The following DLG3 variants were observed in gnomAD, a reference collection of about 807,000 sequenced individuals.
DLG3 encodes the protein disks large homolog 3.
DLG3 carries 1 observed loss-of-function variant against 64.1 expected under a neutral mutation model. The observed-to-expected ratio is 0.02, with a 90% CI of 0.01 to 0.07. The LOEUF is 0.07. Among genes scored for constraint, DLG3 ranks in the 10% least tolerant of loss-of-function variants. The pLI is 1.00. For missense variants in DLG3, 429 were observed against 669.5 expected (o/e 0.64, Z 3.96); for synonymous variants, 245 against 259.8 (o/e 0.94, Z 0.55).
chrX:70,454,367 T>A, intron 9 of DLG3, 51 bp downstream of exon 9: 1 of 1,097,913 alleles, frequency 9.1e-7, no homozygotes, highest in Non-Finnish European at 1.3e-6. Flanking sequence ...TAGACTTATA[T>A]TATGTGTTGG....
At chrX:70,478,924 C>A (rs760710827) in intron 9 of DLG3, among the ~76,000 whole-genome samples, 2 of 111,789 alleles carry the variant, frequency 1.8e-5, no homozygotes, top group Non-Finnish European at 3.8e-5. Context: ...AAATGCTACT[C>A]CCTTTTCAGG....
chrX:70,446,421 G>A (rs894012076), intron 1 of DLG3, among the ~76,000 whole-genome samples: 1 of 108,488 alleles, frequency 9.2e-6, no homozygotes, highest in Non-Finnish European at 1.9e-5. Flanking sequence ...GTGTGCCGGG[G>A]TGGGGTGGCG....
At position 70,445,072 on chromosome X, in the gene DLG3, C is replaced by A. The variant is rs765781446; in HGVS notation, c.-130C>A. On this transcript the variant is annotated 5_prime_UTR_variant, in exon 1 of 19. Coordinates refer to ENST00000374360, the MANE Select transcript of DLG3 (RefSeq NM_021120.4). Reference sequence around the variant, plus strand: ...CAGCCCGGGCGCCCCCACGGGTGCCCCCCCCTTCTTGGTCCGAGCAGTGTG... The same window carrying A: ...CAGCCCGGGCGCCCCCACGGGTGCCACCCCCTTCTTGGTCCGAGCAGTGTG... 2.9e-5 allele frequency: 14 copies of A among 489,189 alleles called. No homozygotes were observed. Among genetic ancestry groups the A allele is most frequent in the East Asian group, 1.9e-4 (4 of 21,177 alleles). 40.3% of individuals were successfully genotyped at this position (489,189 alleles called of 1,213,427 possible).
chrX:70,493,244 C>T, intron 12 of DLG3: 1 of 541,294 alleles, frequency 1.8e-6, no homozygotes, highest in Admixed American at 3.1e-5. Context: ...TCATAGACTC[C>T]ATTTGTGAGA....
rs1412724283 is a variant in DLG3 at position 70,445,192 on chromosome X, G to A, written c.-10G>A. On this transcript the variant is annotated 5_prime_UTR_variant, in exon 1 of 19. Transcript: ENST00000374360. ...TGGGCTGGGGGGTCCGAGCCGCGGG[G>A]GGCAGTGCCATGCACAAGCACCAGC... The A allele has an allele frequency of 3.5e-6, 4 of 1,144,409 alleles. No individual in the cohort carries two copies. The South Asian group carries it at 7.6e-5, about 22-fold the overall frequency. 94.3% of individuals were successfully genotyped at this position (1,144,409 alleles called of 1,213,427 possible). A position where few individuals can be genotyped will look rare whatever the true frequency, so the allele number is the denominator to read the frequency against.
chrX:70,488,336 C>T (rs750595311), intron 10 of DLG3, among the ~76,000 whole-genome samples: 2 of 111,881 alleles, frequency 1.8e-5, no homozygotes, highest in South Asian at 7.5e-4. Context: ...TGAAAAAGCA[C>T]ATGTGACTGT....
At chrX:70,460,282 CA>C (rs1221573255) in intron 9 of DLG3, among the ~76,000 whole-genome samples, 1,942 of 38,395 alleles carry the variant, frequency 0.051, 46 homozygotes, top group East Asian at 0.12. Flanking sequence ...GACTCTGTCT[CA>C]AAAAAAAAAA....
chrX:70,453,222 A>C (rs1189563338), intron 7 of DLG3: 1 of 169,599 alleles, frequency 5.9e-6, no homozygotes, highest in Non-Finnish European at 1.1e-5. Context: ...GAGTGCAGTC[A>C]ACCCCAGGGT....
chrX:70,477,038 G>C (rs1170152248), intron 9 of DLG3, among the ~76,000 whole-genome samples: 3 of 113,073 alleles, frequency 2.7e-5, no homozygotes, highest in African/African-American at 9.6e-5. Flanking sequence ...TCTATTTTAA[G>C]TGGGCCCTCT....
intron 9 of DLG3, among the ~76,000 whole-genome samples, chrX:70,462,955 A>G (rs757764427): frequency 4.5e-5 from 5 of 111,074 alleles, no homozygotes; most frequent in African/African-American, 1.6e-4. Flanking sequence ...TCTTTATTCT[A>G]TGTAACCCAA....
chrX:70,454,318 TAGG>T lies in DLG3; in HGVS notation c.1405+5_1405+7del, dbSNP rs797045525. ...TTGTGGCCCAGTACAGACCTGAAGGTAGGAGAAGGGAAGGTGGGAAGAGATGAT... is the reference window on the plus strand; with the variant it reads ...TTGTGGCCCAGTACAGACCTGAAGGTAGAAGGGAAGGTGGGAAGAGATGAT... On this transcript the variant is annotated splice_donor_5th_base_variant and intron_variant, in intron 9 of 18. Coordinates refer to ENST00000374360, the MANE Select transcript of DLG3 (RefSeq NM_021120.4). 3.0e-4 allele frequency: 363 copies of T among 1,197,885 alleles called. 2 individuals are homozygous for T. The African/African-American group carries it at 5.8e-3, about 19-fold the overall frequency.
At position 70,495,312 on chromosome X, in the gene DLG3, C is replaced by G. The variant is rs368727317; in HGVS notation, c.1774-96C>G. 601 of 852,552 alleles carry G rather than the reference C, an allele frequency of 7.0e-4. 3 individuals carry two copies. In the African/African-American group the frequency reaches 0.01, roughly 14 times the overall value. 70.3% of individuals were successfully genotyped at this position (852,552 alleles called of 1,213,427 possible). On this transcript the variant is annotated intron_variant, in intron 12 of 18. Transcript: ENST00000374360. ...TTTTCTCTATTTTTTCTCTTCTCCC[C>G]AAATCTCTCCCTCTCTTCCATTCCC...
At chrX:70,465,334 G>C in intron 9 of DLG3, among the ~76,000 whole-genome samples, 1 of 111,927 alleles carries the variant, frequency 8.9e-6, no homozygotes, top group East Asian at 2.8e-4. Context: ...GGGTGATAAT[G>C]GTGATAATAT....
chrX:70,492,705 T>C, intron 12 of DLG3, 109 bp downstream of exon 12: 2 of 721,078 alleles, frequency 2.8e-6, no homozygotes, highest in Admixed American at 5.2e-5. Flanking sequence ...AAATCTCTTT[T>C]TCAGGGGGCT....
At chrX:70,462,502 G>A (rs972266091) in intron 9 of DLG3, among the ~76,000 whole-genome samples, 1 of 110,416 alleles carries the variant, frequency 9.1e-6, no homozygotes, top group Non-Finnish European at 1.9e-5. Context: ...CACCCACCTC[G>A]GCCTCCCAGC....
intron 9 of DLG3, among the ~76,000 whole-genome samples, chrX:70,462,243 C>CTTTTTTTTTTTTTTTTT (rs141689653): frequency 4.3e-5 from 2 of 46,984 alleles, no homozygotes; most frequent in African/African-American, 1.1e-4. Context: ...TTCTTTCTTT[C>CTTTTTTTTTTTTTTTTT]TTTTTTTTTT....
rs1245055927 is a variant in DLG3 at position 70,501,303 on chromosome X, C to G, written c.2347+314C>G. On this transcript the variant is annotated intron_variant, in intron 18 of 18. Transcript: ENST00000374360. ...TCCCTCCGTTTCAGCTCCACTCCCCCTCCCCCAGTACTTTGCTTTGCATGT... is the reference window on the plus strand; with the variant it reads ...TCCCTCCGTTTCAGCTCCACTCCCCGTCCCCCAGTACTTTGCTTTGCATGT... Among the ~76,000 whole-genome samples, 3 of 110,488 alleles carry G rather than the reference C, an allele frequency of 2.7e-5. No homozygotes were observed. The East Asian group carries it at 8.5e-4, about 31-fold the overall frequency.
chrX:70,500,826 C>T, intron 17 of DLG3, 72 bp from the exon 18 acceptor site: 4 of 1,024,787 alleles, frequency 3.9e-6, no homozygotes, highest in Non-Finnish European at 5.4e-6. Flanking sequence ...TTTAGGGATC[C>T]TGGAATAATC....
Position 70,503,007 on chromosome X carries a change from G to T in DLG3, c.*738G>T, listed in dbSNP as rs911828636. 6 of 110,883 alleles carry T rather than the reference G, an allele frequency of 5.4e-5. No individual in the cohort carries two copies. Among genetic ancestry groups the T allele is most frequent in the Non-Finnish European group, 1.1e-4 (6 of 52,962 alleles). The allele number at this position is 110,883 out of a possible 1,213,427, so 9.1% of individuals were successfully genotyped here. On this transcript the variant is annotated 3_prime_UTR_variant, in exon 19 of 19. Coordinates refer to ENST00000374360, the MANE Select transcript of DLG3 (RefSeq NM_021120.4). ...AGCAAGTGCTGCACTAAGGGCACTC[G>T]CATTTGGTCATTCTCTTGAGAGCTA...
Sources: gnomAD v4.1 joint callset for allele counts (sites outside exome capture counted in the v4.1 genomes callset) on GRCh38, gnomAD v4.1.1 for gene constraint, MANE v1.5 for transcripts, NCBI Gene and HGNC (gene_info 2026-07-23, HGNC 2026-07-21) for gene names.